LGSN: variants seen among roughly 807,000 people sequenced by gnomAD.
The protein encoded by LGSN is lengsin, lens protein with glutamine synthetase domain, also known as lengsin.
LGSN carries 21 observed loss-of-function variants against 19.5 expected under a neutral mutation model. That is an observed-to-expected ratio of 1.07 (90% CI 0.76 to 1.55). The LOEUF (loss-of-function observed/expected upper bound fraction) is 1.55. LGSN is among the 40% of genes most tolerant of loss of function. The pLI, the probability that LGSN is intolerant of heterozygous loss-of-function variation, is 0.00. For missense variants in LGSN, 673 were observed against 608.5 expected (o/e 1.11, Z -1.12); for synonymous variants, 257 against 215.6 (o/e 1.19, Z -1.68).
At chr6:63,323,518 T>G (rs1386489198), upstream of LGSN, among the ~76,000 whole-genome samples, 1 of 150,088 alleles carries the variant, frequency 6.7e-6, no homozygotes, top group Non-Finnish European at 1.5e-5. Context: ...CTACTTATTG[T>G]GATAATATCT....
the LGSN span, among the ~76,000 whole-genome samples, chr6:63,521,034 G>A: frequency 3.9e-5 from 6 of 152,148 alleles, no homozygotes; most frequent in South Asian, 1.0e-3. Flanking sequence ...GTTGAACAAT[G>A]AGAACACATG....
the LGSN span, among the ~76,000 whole-genome samples, chr6:63,475,928 G>C: frequency 9.1e-4 from 139 of 152,344 alleles, 1 homozygote; most frequent in South Asian, 8.9e-3. Flanking sequence ...TTCAGAGGAA[G>C]AGGGAAAAGG....
At chr6:63,415,449 G>A in the LGSN span, among the ~76,000 whole-genome samples, 3 of 152,306 alleles carry the variant, frequency 2.0e-5, no homozygotes, top group African/African-American at 7.2e-5. Flanking sequence ...AAGGCAAAGG[G>A]GAAGCAAGGC....
the LGSN span, among the ~76,000 whole-genome samples, chr6:63,383,371 T>C: frequency 7.2e-6 from 1 of 139,302 alleles, no homozygotes; most frequent in East Asian, 2.1e-4. Context: ...AACCATTACT[T>C]ACACACACAC....
At chr6:63,318,413 A>G (rs988987037) in intron 1 of LGSN, among the ~76,000 whole-genome samples, 2 of 152,122 alleles carry the variant, frequency 1.3e-5, no homozygotes, top group Non-Finnish European at 2.9e-5. Flanking sequence ...GTCACATGTC[A>G]TCTCTCTCCC....
chr6:63,537,927 AG>A, the LGSN span, among the ~76,000 whole-genome samples: 1 of 152,244 alleles, frequency 6.6e-6, no homozygotes, highest in Admixed American at 6.5e-5. Context: ...CCCAGACAGG[AG>A]TTTAAAAGAA....
intron 1 of LGSN, among the ~76,000 whole-genome samples, chr6:63,313,311 G>A (rs948143681): frequency 2.6e-5 from 4 of 152,006 alleles, no homozygotes; most frequent in East Asian, 3.9e-4. Context: ...GGACAGTCAC[G>A]GTGGAAGCAT....
the LGSN span, among the ~76,000 whole-genome samples, chr6:63,439,497 A>G: frequency 6.6e-6 from 1 of 152,072 alleles, no homozygotes; most frequent in Non-Finnish European, 1.5e-5. Context: ...CCTGGGCGAC[A>G]GAGTGTGATT....
the LGSN span, among the ~76,000 whole-genome samples, chr6:63,408,719 A>G: frequency 6.6e-6 from 1 of 151,442 alleles, no homozygotes; most frequent in East Asian, 1.9e-4. Context: ...ACAGCAAAAG[A>G]AACTACCATC....
the LGSN span, among the ~76,000 whole-genome samples, chr6:63,447,303 CAG>C: frequency 1.3e-5 from 2 of 152,168 alleles, no homozygotes; most frequent in African/African-American, 4.8e-5. Flanking sequence ...TGTGACCACT[CAG>C]GGGCCTTTTT....
chr6:63,482,838 C>CT, the LGSN span, among the ~76,000 whole-genome samples: 2 of 152,060 alleles, frequency 1.3e-5, no homozygotes, highest in African/African-American at 4.8e-5. Flanking sequence ...ATAGCTGGGA[C>CT]TATAGGCGCG....
chr6:63,454,537 A>T, the LGSN span, among the ~76,000 whole-genome samples: 2 of 133,626 alleles, frequency 1.5e-5, no homozygotes, highest in African/African-American at 5.7e-5. Flanking sequence ...CAGTGGCGTG[A>T]TCTCAGCTCA....
the LGSN span, among the ~76,000 whole-genome samples, chr6:63,337,881 A>C: frequency 1.3e-5 from 2 of 151,876 alleles, no homozygotes; most frequent in Non-Finnish European, 2.9e-5. Flanking sequence ...TATTTTATTT[A>C]TGTATTTATT....
At chr6:63,295,905 A>G (rs1312115810) in intron 1 of LGSN, among the ~76,000 whole-genome samples, 1 of 152,170 alleles carries the variant, frequency 6.6e-6, no homozygotes, top group Admixed American at 6.5e-5. Context: ...CAAACCCCTC[A>G]TAGTGGTTTG....
the LGSN span, among the ~76,000 whole-genome samples, chr6:63,391,729 C>T: frequency 6.6e-6 from 1 of 152,130 alleles, no homozygotes; most frequent in African/African-American, 2.4e-5. Context: ...GGGCTGATAG[C>T]GAGGCTTTTA....
the LGSN span, among the ~76,000 whole-genome samples, chr6:63,495,318 T>C: frequency 3.3e-5 from 5 of 152,090 alleles, no homozygotes; most frequent in South Asian, 2.1e-4. Context: ...TGAGAGAAGC[T>C]GAGCAACTTT....
intron 3 of LGSN, among the ~76,000 whole-genome samples, chr6:63,284,412 CTCTT>C (rs1041757866): frequency 3.3e-5 from 5 of 152,044 alleles, no homozygotes; most frequent in African/African-American, 1.2e-4. Flanking sequence ...CAGAATTTTT[CTCTT>C]TATGTCAATT....
the LGSN span, among the ~76,000 whole-genome samples, chr6:63,366,331 C>G: frequency 6.6e-6 from 1 of 152,168 alleles, no homozygotes; most frequent in African/African-American, 2.4e-5. Flanking sequence ...AGTGAACTCC[C>G]ACTCACAATT....
At chr6:63,454,347 A>T in the LGSN span, among the ~76,000 whole-genome samples, 1 of 152,174 alleles carries the variant, frequency 6.6e-6, no homozygotes, top group Admixed American at 6.5e-5. Flanking sequence ...ATGGACATCA[A>T]TATTAAACCC....
Sources: gnomAD v4.1 joint callset for allele counts (sites outside exome capture counted in the v4.1 genomes callset) on GRCh38, gnomAD v4.1.1 for gene constraint, MANE v1.5 for transcripts, NCBI Gene and HGNC (gene_info 2026-07-23, HGNC 2026-07-21) for gene names.